ACTR3C: variants seen among roughly 807,000 people sequenced by gnomAD.
ACTR3C encodes actin related protein 3C.
ACTR3C carries 18 observed loss-of-function variants against 26.3 expected under a neutral mutation model. That is an observed-to-expected ratio of 0.68 (90% confidence interval 0.47 to 1.01). ACTR3C has a LOEUF of 1.01. ACTR3C is among the 50% of genes least tolerant of loss of function. ACTR3C has a pLI of 0.00. For missense variants in ACTR3C, 184 were observed against 250.7 expected (o/e 0.73, Z 1.80); for synonymous variants, 55 against 94.5 (o/e 0.58, Z 2.42).
At chr7:149,988,924 A>G in the ACTR3C span, among the ~76,000 whole-genome samples, 1 of 152,352 alleles carries the variant, frequency 6.6e-6, no homozygotes, top group African/African-American at 2.4e-5. Context: ...TTGAAGTTCA[A>G]ATGAAACCAA....
At chr7:150,085,357 G>A in the ACTR3C span, among the ~76,000 whole-genome samples, 5 of 152,162 alleles carry the variant, frequency 3.3e-5, no homozygotes, top group South Asian at 2.1e-4. Flanking sequence ...GAGAGGTCAC[G>A]CGGGAAGACA....
chr7:149,911,201 A>G, the ACTR3C span, among the ~76,000 whole-genome samples: 1 of 151,954 alleles, frequency 6.6e-6, no homozygotes, highest in Non-Finnish European at 1.5e-5. Context: ...ATATTCCAGA[A>G]AATAAATATA....
chr7:150,316,279 G>A (rs1321526084), intron 1 of ACTR3C, among the ~76,000 whole-genome samples: 2 of 152,156 alleles, frequency 1.3e-5, no homozygotes, highest in Non-Finnish European at 2.9e-5. Flanking sequence ...AATACATTGG[G>A]CCTGTTTAAA....
At chr7:150,275,863 G>T (rs1209046142) in intron 6 of ACTR3C, among the ~76,000 whole-genome samples, 3 of 152,016 alleles carry the variant, frequency 2.0e-5, no homozygotes, top group African/African-American at 7.3e-5. Context: ...GTTCTCTTCG[G>T]TGCACCTCTG....
the ACTR3C span, among the ~76,000 whole-genome samples, chr7:150,172,851 C>T: frequency 6.6e-6 from 1 of 150,592 alleles, no homozygotes; most frequent in African/African-American, 2.5e-5. Context: ...AGTCTGAAAT[C>T]CAGAAGGGCA....
the ACTR3C span, among the ~76,000 whole-genome samples, chr7:149,889,960 T>C: frequency 6.6e-6 from 1 of 152,352 alleles, no homozygotes; most frequent in Non-Finnish European, 1.5e-5. Flanking sequence ...TACTTGGCAA[T>C]TTCAGCTGTG....
At chr7:149,947,883 C>G in the ACTR3C span, among the ~76,000 whole-genome samples, 4 of 150,416 alleles carry the variant, frequency 2.7e-5, no homozygotes, top group Non-Finnish European at 4.4e-5. Flanking sequence ...TCATCGTGCT[C>G]TGCCTCCTGC....
At chr7:150,037,143 GT>G in the ACTR3C span, among the ~76,000 whole-genome samples, 1 of 47,598 alleles carries the variant, frequency 2.1e-5, no homozygotes, top group African/African-American at 8.1e-5. Context: ...TCCCTGCCTC[GT>G]GGGGGGTGCC....
At chr7:150,259,948 T>C (rs147049609) in intron 6 of ACTR3C, among the ~76,000 whole-genome samples, 2 of 152,216 alleles carry the variant, frequency 1.3e-5, no homozygotes, top group Admixed American at 1.3e-4. Flanking sequence ...TCCTGGCATG[T>C]AAGCTCCACA....
chr7:150,294,351 G>A (rs1425669776), intron 2 of ACTR3C, among the ~76,000 whole-genome samples: 5 of 152,234 alleles, frequency 3.3e-5, no homozygotes, highest in African/African-American at 7.2e-5. Flanking sequence ...ACTGAGGGTG[G>A]AAAACCCTGG....
the ACTR3C span, among the ~76,000 whole-genome samples, chr7:149,990,775 C>T: frequency 6.6e-6 from 1 of 152,046 alleles, no homozygotes; most frequent in African/African-American, 2.4e-5. Context: ...AGTCTGCCAC[C>T]CCTTTCTCTC....
At chr7:149,995,612 G>GC in the ACTR3C span, among the ~76,000 whole-genome samples, 1 of 152,270 alleles carries the variant, frequency 6.6e-6, no homozygotes, top group African/African-American at 2.4e-5. Flanking sequence ...AGGCTGGAGT[G>GC]CACAGGATGA....
intron 1 of ACTR3C, among the ~76,000 whole-genome samples, chr7:150,320,778 A>G (rs1797429715): frequency 6.6e-6 from 1 of 152,178 alleles, no homozygotes; most frequent in African/African-American, 2.4e-5. Context: ...CAAAAACAAA[A>G]ACAAGAATGC....
At chr7:150,048,883 G>C in the ACTR3C span, among the ~76,000 whole-genome samples, 27 of 152,020 alleles carry the variant, frequency 1.8e-4, no homozygotes, top group Admixed American at 2.0e-4. Context: ...AGCAGGAAAG[G>C]TCGCGGGGCG....
chr7:150,033,867 C>T, the ACTR3C span, among the ~76,000 whole-genome samples: 2 of 149,754 alleles, frequency 1.3e-5, no homozygotes, highest in African/African-American at 2.5e-5. Flanking sequence ...GATGGGGATC[C>T]TAAGAGCAAA....
At chr7:150,235,373 C>G in the ACTR3C span, among the ~76,000 whole-genome samples, 1 of 152,212 alleles carries the variant, frequency 6.6e-6, no homozygotes, top group Non-Finnish European at 1.5e-5. Context: ...TTCCCAGACT[C>G]TCTCCCACAG....
At chr7:150,125,969 C>T in the ACTR3C span, among the ~76,000 whole-genome samples, 6 of 152,326 alleles carry the variant, frequency 3.9e-5, no homozygotes, top group African/African-American at 1.4e-4. Flanking sequence ...GCATGCAGGG[C>T]TGCTCTCTCT....
chr7:150,273,618 C>T (rs1190753075), intron 6 of ACTR3C, among the ~76,000 whole-genome samples: 6 of 150,478 alleles, frequency 4.0e-5, no homozygotes, highest in South Asian at 2.1e-4. Flanking sequence ...TGTTTACTTT[C>T]GCAGTTTAAC....
chr7:150,033,731 A>C, the ACTR3C span, among the ~76,000 whole-genome samples: 307 of 141,104 alleles, frequency 2.2e-3, no homozygotes, highest in Non-Finnish European at 3.3e-3. Context: ...GGAAGAGGGG[A>C]TAGCTCTCAG....
Sources: gnomAD v4.1 joint callset for allele counts (sites outside exome capture counted in the v4.1 genomes callset) on GRCh38, gnomAD v4.1.1 for gene constraint, MANE v1.5 for transcripts, NCBI Gene and HGNC (gene_info 2026-07-23, HGNC 2026-07-21) for gene names.